DAPK1: variants seen among roughly 807,000 people sequenced by gnomAD.
The protein encoded by DAPK1 is death associated protein kinase 1.
A neutral mutation model predicts 144.9 loss-of-function variants in DAPK1; 56 were observed. The ratio of observed to expected loss-of-function variants is 0.39; its 90% CI spans 0.31 to 0.48. The LOEUF (loss-of-function observed/expected upper bound fraction) is 0.48, where lower values mean the gene tolerates loss of function less well. Among genes scored for constraint, DAPK1 ranks in the 20% least tolerant of loss-of-function variants. The pLI, the probability that DAPK1 is intolerant of heterozygous loss-of-function variation, is 0.95. For synonymous variants in DAPK1, 690 were observed against 749.0 expected (o/e 0.92, Z 1.29); for missense variants, 1,454 against 1,875.4 (o/e 0.78, Z 4.15).
intron 11 of DAPK1, among the ~76,000 whole-genome samples, chr9:87,644,362 C>G (rs554748396): frequency 1.3e-5 from 2 of 152,094 alleles, no homozygotes; most frequent in South Asian, 4.2e-4. Context: ...AAGGCAGCCA[C>G]GGTTGTCCTG....
At chr9:87,605,628 A>G (rs1000587708) in intron 3 of DAPK1, among the ~76,000 whole-genome samples, 3 of 151,540 alleles carry the variant, frequency 2.0e-5, no homozygotes, top group Non-Finnish European at 4.4e-5. Flanking sequence ...CCCCATTTTT[A>G]ACTGTTAATT....
At chr9:87,598,417 A>G (rs960763560) in intron 2 of DAPK1, among the ~76,000 whole-genome samples, 8 of 152,246 alleles carry the variant, frequency 5.3e-5, no homozygotes, top group African/African-American at 1.7e-4. Context: ...TTTTAACTGC[A>G]TATGTATTCG....
intron 2 of DAPK1, among the ~76,000 whole-genome samples, chr9:87,576,062 G>A (rs546928962): frequency 9.8e-5 from 15 of 152,364 alleles, no homozygotes; most frequent in Admixed American, 8.5e-4. Context: ...CAGGTTAGCG[G>A]TAGTCAGATG....
chr9:87,705,177 C>A (rs1411803442), intron 25 of DAPK1, among the ~76,000 whole-genome samples: 1 of 150,122 alleles, frequency 6.7e-6, no homozygotes, highest in Non-Finnish European at 1.5e-5. Context: ...AGAGAAGTTG[C>A]AAGGATAGTA....
At chr9:87,555,296 G>A (rs1826665576) in intron 2 of DAPK1, among the ~76,000 whole-genome samples, 1 of 152,136 alleles carries the variant, frequency 6.6e-6, no homozygotes, top group African/African-American at 2.4e-5. Flanking sequence ...TTAGGTCCCA[G>A]CTAAGCCTTG....
At chr9:87,657,820 T>A (rs1160650772) in intron 17 of DAPK1, 1 of 572,146 alleles carries the variant, frequency 1.7e-6, no homozygotes, top group Non-Finnish European at 3.1e-6. Context: ...GAAGTTGTAT[T>A]TTGAAGCTCC....
At chr9:87,555,274 T>C (rs1826665006) in intron 2 of DAPK1, among the ~76,000 whole-genome samples, 1 of 152,198 alleles carries the variant, frequency 6.6e-6, no homozygotes, top group Non-Finnish European at 1.5e-5. Context: ...AAGCAGACAT[T>C]AAGTCAGACA....
intron 2 of DAPK1, among the ~76,000 whole-genome samples, chr9:87,515,148 C>T (rs1204237791): frequency 6.6e-6 from 1 of 152,186 alleles, no homozygotes; most frequent in Non-Finnish European, 1.5e-5. Context: ...TATGGGGATC[C>T]TCTATTTCAG....
intron 2 of DAPK1, among the ~76,000 whole-genome samples, chr9:87,585,418 T>A (rs2118852444): frequency 6.6e-6 from 1 of 152,340 alleles, no homozygotes; most frequent in East Asian, 1.9e-4. Flanking sequence ...GGTTGTCTAT[T>A]TGGCTTCTGT....
chr9:87,571,410 A>G (rs1012833384), intron 2 of DAPK1, among the ~76,000 whole-genome samples: 7 of 134,876 alleles, frequency 5.2e-5, no homozygotes, highest in Non-Finnish European at 1.1e-4. Context: ...AGAGACCCAG[A>G]GCCTAGGCCC....
intron 14 of DAPK1, among the ~76,000 whole-genome samples, chr9:87,647,622 G>A (rs1437107336): frequency 1.3e-5 from 2 of 152,158 alleles, no homozygotes; most frequent in African/African-American, 4.8e-5. Flanking sequence ...GCCATAATAC[G>A]CACGCATTGA....
At chr9:87,606,201 A>G (rs1029753023) in intron 3 of DAPK1, among the ~76,000 whole-genome samples, 1 of 152,186 alleles carries the variant, frequency 6.6e-6, no homozygotes, top group Non-Finnish European at 1.5e-5. Flanking sequence ...CAGAGCTGCC[A>G]GGCCAGCTCC....
intron 2 of DAPK1, among the ~76,000 whole-genome samples, chr9:87,600,444 T>A (rs1218752006): frequency 6.6e-6 from 1 of 151,762 alleles, no homozygotes; most frequent in African/African-American, 2.4e-5. Flanking sequence ...AAAAAGAAAA[T>A]TAGCTGGGTG....
intron 21 of DAPK1, among the ~76,000 whole-genome samples, chr9:87,695,552 C>T (rs1439124886): frequency 6.6e-6 from 1 of 152,190 alleles, no homozygotes; most frequent in Admixed American, 6.5e-5. Flanking sequence ...GCAGCCTTCA[C>T]AGCTCCAGTA....
chr9:87,508,633 T>C (rs961709974), intron 2 of DAPK1, among the ~76,000 whole-genome samples: 18 of 152,198 alleles, frequency 1.2e-4, no homozygotes, highest in African/African-American at 3.6e-4. Context: ...TGAGCCACCG[T>C]GCCCGGCCAC....
At chr9:87,693,086 C>G (rs1242613465) in intron 21 of DAPK1, among the ~76,000 whole-genome samples, 2 of 144,576 alleles carry the variant, frequency 1.4e-5, no homozygotes, top group East Asian at 2.2e-4. Flanking sequence ...GTTTGGAGAG[C>G]TCTACAGCTT....
chr9:87,524,527 ACCT>A (rs1825414046), intron 2 of DAPK1, among the ~76,000 whole-genome samples: 1 of 152,038 alleles, frequency 6.6e-6, no homozygotes, highest in African/African-American at 2.4e-5. Flanking sequence ...TGCCAGAACC[ACCT>A]CCTCGCAGAA....
chr9:87,523,307 T>C (rs1825371749), intron 2 of DAPK1, among the ~76,000 whole-genome samples: 1 of 152,182 alleles, frequency 6.6e-6, no homozygotes, highest in Non-Finnish European at 1.5e-5. Flanking sequence ...TCTGAGTTTA[T>C]TTGTTTTGAG....
chr9:87,525,315 A>G, intron 2 of DAPK1: 1 of 1,605,556 alleles, frequency 6.2e-7, no homozygotes, highest in Non-Finnish European at 8.5e-7. Flanking sequence ...GGTCACCAGC[A>G]GCTGTACTGG....
Sources: allele counts gnomAD v4.1 joint callset (sites outside exome capture counted in the v4.1 genomes callset), GRCh38; gene constraint gnomAD v4.1.1; transcripts MANE v1.5; gene names NCBI Gene and HGNC (gene_info 2026-07-23, HGNC 2026-07-21).